Variants in CEP170 observed in about 807,000 individuals in gnomAD.
CEP170 encodes centrosomal protein 170.
CEP170 carries 21 observed loss-of-function variants against 151.9 expected under a neutral mutation model. That is an observed-to-expected ratio of 0.14 (90% CI 0.10 to 0.20). The LOEUF (loss-of-function observed/expected upper bound fraction) is 0.20, where lower values mean the gene tolerates loss of function less well. Among genes scored for constraint, CEP170 ranks in the 10% least tolerant of loss-of-function variants. The probability of loss-of-function intolerance (pLI) is 1.00; values close to 1 mark genes in which losing one functional copy is unlikely to be tolerated. For synonymous variants in CEP170, 356 were observed against 648.8 expected (o/e 0.55, Z 6.86); for missense variants, 964 against 1,892.9 (o/e 0.51, Z 9.11).
intron 4 of CEP170, among the ~76,000 whole-genome samples, chr1:243,208,157 A>G (rs1017172927): frequency 2.0e-5 from 3 of 152,076 alleles, no homozygotes; most frequent in Non-Finnish European, 4.4e-5. Context: ...TTTATTGGCT[A>G]CATCTTCAAA....
intron 12 of CEP170, among the ~76,000 whole-genome samples, chr1:243,167,066 C>T (rs1298731374): frequency 2.6e-5 from 4 of 152,072 alleles, no homozygotes; most frequent in Non-Finnish European, 5.9e-5. Flanking sequence ...AACTTTCCAT[C>T]CTTGAGGTTT....
chr1:243,167,331 T>C (rs2058514084), intron 12 of CEP170, among the ~76,000 whole-genome samples: 1 of 151,978 alleles, frequency 6.6e-6, no homozygotes, highest in Non-Finnish European at 1.5e-5. Context: ...AGCAGACTTT[T>C]CATAGTTAGG....
intron 12 of CEP170, among the ~76,000 whole-genome samples, 166 bp from the exon 13 acceptor site, chr1:243,166,282 TATA>T (rs2058435936): frequency 6.6e-6 from 1 of 152,188 alleles, no homozygotes; most frequent in Non-Finnish European, 1.5e-5. Context: ...TATAAAGTGG[TATA>T]ATATTTGTAT....
intron 15 of CEP170, among the ~76,000 whole-genome samples, chr1:243,141,061 AAAAC>A (rs1278993019): frequency 6.6e-6 from 1 of 152,262 alleles, no homozygotes. Flanking sequence ...ACATTGAAGG[AAAAC>A]AAACAAAAAA....
At chr1:243,213,731 A>G (rs921021130) in intron 3 of CEP170, among the ~76,000 whole-genome samples, 2 of 152,140 alleles carry the variant, frequency 1.3e-5, no homozygotes, top group Non-Finnish European at 2.9e-5. Flanking sequence ...GGGTTCTGAG[A>G]CAGGGTCTCG....
intron 1 of CEP170, among the ~76,000 whole-genome samples, chr1:243,235,872 C>G (rs931346286): frequency 6.6e-6 from 1 of 152,000 alleles, no homozygotes; most frequent in African/African-American, 2.4e-5. Context: ...AAGAAAATAC[C>G]TAAGAAAAAA....
chr1:243,170,088 T>C (rs1046535640), intron 11 of CEP170, among the ~76,000 whole-genome samples: 1 of 152,182 alleles, frequency 6.6e-6, no homozygotes, highest in African/African-American at 2.4e-5. Context: ...AAATATTTTA[T>C]TAAGAGTGTC....
At chr1:243,175,692 T>C (rs1480798784) in intron 10 of CEP170, among the ~76,000 whole-genome samples, 2 of 152,192 alleles carry the variant, frequency 1.3e-5, no homozygotes, top group Admixed American at 1.3e-4. Flanking sequence ...TTAGATTCTA[T>C]TCCCAGGTGA....
intron 4 of CEP170, among the ~76,000 whole-genome samples, chr1:243,209,479 G>A (rs1000931319): frequency 2.6e-5 from 4 of 152,084 alleles, no homozygotes; most frequent in South Asian, 2.1e-4. Flanking sequence ...GAGCCACTGC[G>A]CCCAGCCTGC....
intron 1 of CEP170, among the ~76,000 whole-genome samples, chr1:243,236,092 CT>C (rs1474817930): frequency 1.3e-5 from 2 of 152,162 alleles, no homozygotes; most frequent in African/African-American, 4.8e-5. Flanking sequence ...AGTAACTGTG[CT>C]AATTGCTTCT....
chr1:243,236,714 C>CAT (rs1289851011), intron 1 of CEP170, among the ~76,000 whole-genome samples: 3 of 152,144 alleles, frequency 2.0e-5, no homozygotes, highest in Non-Finnish European at 4.4e-5. Flanking sequence ...AAAAAACTGT[C>CAT]AGATCATAGA....
chr1:243,131,065 G>A (rs2054345706), intron 17 of CEP170, among the ~76,000 whole-genome samples: 1 of 152,094 alleles, frequency 6.6e-6, no homozygotes, highest in South Asian at 2.1e-4. Flanking sequence ...CCAGAGGATG[G>A]CTACTGAGTA....
At chr1:243,188,380 C>T (rs538615122) in intron 8 of CEP170, among the ~76,000 whole-genome samples, 1 of 152,272 alleles carries the variant, frequency 6.6e-6, no homozygotes, top group Non-Finnish European at 1.5e-5. Flanking sequence ...TAGTTCAAAA[C>T]TTTTCTTATA....
At chr1:243,138,684 A>G (rs1572177762) in intron 16 of CEP170, among the ~76,000 whole-genome samples, 1 of 151,078 alleles carries the variant, frequency 6.6e-6, no homozygotes, top group East Asian at 2.0e-4. Flanking sequence ...TTACTCTATT[A>G]TTGTTCAATT....
chr1:243,250,127 C>A (rs2149197544), intron 1 of CEP170, among the ~76,000 whole-genome samples: 1 of 152,190 alleles, frequency 6.6e-6, no homozygotes, highest in South Asian at 2.1e-4. Flanking sequence ...ACAAAAAAAA[C>A]CCATCCGAAT....
At chr1:243,249,414 T>C (rs879268702) in intron 1 of CEP170, among the ~76,000 whole-genome samples, 82 of 139,224 alleles carry the variant, frequency 5.9e-4, no homozygotes, top group Non-Finnish European at 6.6e-4. Context: ...CAAGACTCTG[T>C]CTCAAAATAA....
chr1:243,245,950 A>G (rs2065349149), intron 1 of CEP170, among the ~76,000 whole-genome samples: 1 of 151,958 alleles, frequency 6.6e-6, no homozygotes, highest in Non-Finnish European at 1.5e-5. Flanking sequence ...CGTCTCAAAA[A>G]AAAAAAGAAA....
chr1:243,148,592 T>A (rs397839716), intron 14 of CEP170, among the ~76,000 whole-genome samples: 157 of 152,178 alleles, frequency 1.0e-3, no homozygotes, highest in African/African-American at 1.6e-3. Flanking sequence ...AACATAATTT[T>A]AAAAATTTAT....
intron 14 of CEP170, among the ~76,000 whole-genome samples, chr1:243,147,107 C>G (rs1293109127): frequency 6.6e-6 from 1 of 152,126 alleles, no homozygotes; most frequent in Non-Finnish European, 1.5e-5. Context: ...ATTCTTATTA[C>G]TACACTGCCT....
Sources: gnomAD v4.1 joint callset for allele counts (sites outside exome capture counted in the v4.1 genomes callset) on GRCh38, gnomAD v4.1.1 for gene constraint, MANE v1.5 for transcripts, NCBI Gene and HGNC (gene_info 2026-07-23, HGNC 2026-07-21) for gene names.